EFTUD2: variants seen among roughly 807,000 people sequenced by gnomAD.
EFTUD2 encodes 116 kDa U5 small nuclear ribonucleoprotein component.
A neutral mutation model predicts 114.3 loss-of-function variants in EFTUD2; 9 were observed. The ratio of observed to expected loss-of-function variants is 0.08; its 90% CI spans 0.05 to 0.14. The LOEUF (loss-of-function observed/expected upper bound fraction) is 0.14. EFTUD2 is among the 10% of genes least tolerant of loss of function. EFTUD2 has a pLI of 1.00. For missense variants in EFTUD2, 765 were observed against 1,241.2 expected (o/e 0.62, Z 5.76); for synonymous variants, 449 against 462.3 (o/e 0.97, Z 0.37).
At chr17:44,876,745 T>C (rs889402878) in intron 9 of EFTUD2, among the ~76,000 whole-genome samples, 4 of 145,822 alleles carry the variant, frequency 2.7e-5, no homozygotes, top group Admixed American at 2.1e-4. Flanking sequence ...CCCAGCTACT[T>C]GGGAGGCTGA....
chr17:44,896,273 C>T (rs2051383140), intron 1 of EFTUD2, among the ~76,000 whole-genome samples: 1 of 152,230 alleles, frequency 6.6e-6, no homozygotes, highest in South Asian at 2.1e-4. Flanking sequence ...CTCCTTCAAG[C>T]TTTCCTAGCT....
In EFTUD2 at chr17:44,854,480, G is replaced by A; in HGVS notation, c.2259+76C>T. 6.3e-7 allele frequency: 1 copy of A among 1,581,042 alleles called. No individual in the cohort carries two copies. The highest frequency in any genetic ancestry group is 2.2e-5 in the East Asian group (1 of 44,478). On this transcript the variant is annotated intron_variant, in intron 22 of 27. Transcript: ENST00000426333. The surrounding 1 kb of genome is among the most constrained non-coding windows in gnomAD (Gnocchi z 4.3). ...CACCAGAGGACACAAGATACTTTTG[G>A]GAAAAGAACACTTTGTAGTTTCTTC...
intron 1 of EFTUD2, among the ~76,000 whole-genome samples, chr17:44,896,750 A>C (rs2051393304): frequency 6.6e-6 from 1 of 152,276 alleles, no homozygotes; most frequent in Non-Finnish European, 1.5e-5. Flanking sequence ...AGGGCTCTGG[A>C]GTTGGAAGAC....
At chr17:44,868,173 TAAAA>T in intron 12 of EFTUD2, 110 bp downstream of exon 12, 52 of 813,226 alleles carry the variant, frequency 6.4e-5, no homozygotes, top group Middle Eastern at 3.6e-4. Flanking sequence ...TAGTTTACAT[TAAAA>T]AAAAAAAAAA....
intron 1 of EFTUD2, 60 bp from the exon 2 acceptor site, chr17:44,894,585 G>T: frequency 7.9e-7 from 1 of 1,264,398 alleles, no homozygotes; most frequent in Non-Finnish European, 1.2e-6. Flanking sequence ...TTCATGTGGT[G>T]GCTCCACCTG....
intron 12 of EFTUD2, 128 bp from the exon 13 acceptor site, chr17:44,868,025 TC>T: frequency 1.0e-6 from 1 of 989,978 alleles, no homozygotes; most frequent in Non-Finnish European, 1.5e-6. Flanking sequence ...CTGTAAAGTT[TC>T]CAGAGACAGA....
Position 44,854,727 on chromosome 17 carries a change from T to C in EFTUD2, c.2133-45A>G, listed in dbSNP as rs201915172. On this transcript the variant is annotated intron_variant, in intron 21 of 27. Transcript: ENST00000426333. This position sits in a 1 kb window ranked among gnomAD's most constrained non-coding sequence, Gnocchi z 4.3. Reference sequence around the variant, plus strand: ...ATGGAGCTGTCAGCCAGCTCTGTGATTGCTGGTCCTGGAGCCACAGACCCT... The same window carrying C: ...ATGGAGCTGTCAGCCAGCTCTGTGACTGCTGGTCCTGGAGCCACAGACCCT... 105 of 1,598,912 alleles carry C rather than the reference T, an allele frequency of 6.6e-5. No individual in the cohort carries two copies. The highest frequency in any genetic ancestry group is 1.1e-4 in the African/African-American group (8 of 74,692).
At chr17:44,861,157 A>G (rs2050652016) in intron 16 of EFTUD2, among the ~76,000 whole-genome samples, 1 of 152,144 alleles carries the variant, frequency 6.6e-6, no homozygotes, top group Non-Finnish European at 1.5e-5. Context: ...AGCATCAAAG[A>G]AGGCCGGGTG....
rs141238852 is a variant in EFTUD2, at chr17:44,879,411, C to T, written c.702+145G>A. On this transcript the variant is annotated intron_variant, in intron 9 of 27. Transcript: ENST00000426333. Reference sequence around the variant, plus strand: ...AGAATTAATTTTGAAACATTTGCTGCTTTAATTTTAGAGCAAATTTGAGCC... The same window carrying T: ...AGAATTAATTTTGAAACATTTGCTGTTTTAATTTTAGAGCAAATTTGAGCC... The T allele has an allele frequency of 1.1e-4, 84 of 772,770 alleles. No individual in the cohort carries two copies. The East Asian group carries it at 1.4e-3, about 13-fold the overall frequency. 47.9% of individuals were successfully genotyped at this position (772,770 alleles called of 1,614,324 possible).
At position 44,894,495 on chromosome 17, in the gene EFTUD2, A is replaced by C. The variant is rs770008056; in HGVS notation, c.27T>G (p.Phe9Leu). 1 of 1,614,122 alleles carries C rather than the reference A, an allele frequency of 6.2e-7. No individual in the cohort carries two copies. The highest frequency in any genetic ancestry group is 8.5e-7 in the Non-Finnish European group (1 of 1,179,950). Residue 9 changes from phenylalanine to leucine, a missense_variant, in exon 2 of 28, where the codon TTT becomes TTG. Phe to Leu is a conservative substitution (Grantham distance 22). This residue lies in a region of EFTUD2 where 121 missense variants were observed against 133.7 expected (regional missense o/e 0.90). Transcript: ENST00000426333. ...CAAGCTCTGGTCCAATATAATTCCC[A>C]AACTCATCATATAAGTCGGTATCCA... MDTDLYDE[F>L]GNYIGPELDS...
chr17:44,878,675 GTC>G (rs1191322075), intron 9 of EFTUD2, among the ~76,000 whole-genome samples: 1 of 149,366 alleles, frequency 6.7e-6, no homozygotes, highest in Non-Finnish European at 1.5e-5. Flanking sequence ...GTACACACCT[GTC>G]TCTCTGTGTG....
intron 25 of EFTUD2, 38 bp from the exon 26 acceptor site, chr17:44,852,600 C>G: frequency 1.2e-6 from 2 of 1,608,968 alleles, no homozygotes; most frequent in Non-Finnish European, 1.7e-6. Context: ...TCTAGTCAAA[C>G]ATAGGCCAAA....
chr17:44,875,795 T>C (rs1294519918), intron 10 of EFTUD2, 139 bp downstream of exon 10: 1 of 942,242 alleles, frequency 1.1e-6, no homozygotes, highest in African/African-American at 1.6e-5. Flanking sequence ...CCCTGCAGAG[T>C]CCCAGGATGT....
At position 44,886,568 on chromosome 17, in the gene EFTUD2, A is replaced by G. The variant is rs2051176968; in HGVS notation, c.271+17T>C. The G allele has an allele frequency of 2.5e-6, 4 of 1,613,890 alleles. No individual in the cohort carries two copies. The highest frequency in any genetic ancestry group is 2.5e-6 in the Non-Finnish European group (3 of 1,179,922). On this transcript the variant is annotated intron_variant, in intron 3 of 27. Coordinates refer to ENST00000426333, the MANE Select transcript of EFTUD2 (RefSeq NM_004247.4). ...GTTTCAATTTCACTCCGCACAGCCC[A>G]TGTCCTCCTGATGTACCTGTGAGAG...
intron 8 of EFTUD2, among the ~76,000 whole-genome samples, chr17:44,880,145 C>T (rs1486145916): frequency 5.3e-5 from 8 of 152,066 alleles, no homozygotes; most frequent in Non-Finnish European, 1.0e-4. Context: ...TGGTCCTTTC[C>T]ATAGGAGGAA....
intron 9 of EFTUD2, among the ~76,000 whole-genome samples, chr17:44,876,855 CAAAAA>C (rs58892812): frequency 2.1e-5 from 1 of 48,232 alleles, no homozygotes; most frequent in African/African-American, 9.7e-5. Context: ...GACTCCGTCT[CAAAAA>C]AAAAAAAAAA....
intron 14 of EFTUD2, 169 bp from the exon 15 acceptor site, chr17:44,863,951 G>C (rs948877695): frequency 2.3e-6 from 2 of 866,990 alleles, no homozygotes; most frequent in African/African-American, 1.7e-5. Flanking sequence ...GGAATGTGCT[G>C]CTAGAAGATT....
chr17:44,876,231 G>A, intron 9 of EFTUD2, 131 bp from the exon 10 acceptor site: 12 of 1,080,274 alleles, frequency 1.1e-5, no homozygotes, highest in Non-Finnish European at 1.5e-5. Flanking sequence ...AATATTACTG[G>A]GTGGAAGCAG....
rs780448978 is a variant in EFTUD2 at position 44,857,119 on chromosome 17, C to T, written c.2001G>A (p.Val667=). ...CAAAGCACTTGAGGGAGGATGTTTC[C>T]ACCACCGTCTCACAAAACGTGACAA... is the stretch of plus-strand genomic sequence containing the variant. ...DPVVTFCETV[V]ETSSLKCFAE... is the part of the protein sequence containing the mutation. Residue 667 remains valine, a synonymous_variant, in exon 20 of 28, where the codon GTG becomes GTA. Transcript: ENST00000426333. 5.0e-6 allele frequency: 8 copies of T among 1,613,950 alleles called. No individual in the cohort carries two copies. The highest frequency in any genetic ancestry group is 3.3e-5 in the Admixed American group (2 of 60,014).
Sources: gnomAD v4.1 joint callset for allele counts (sites outside exome capture counted in the v4.1 genomes callset) on GRCh38, gnomAD v4.1.1 for gene constraint, gnomAD v4.1.1 regional missense constraint, Gnocchi (gnomAD v3.1) non-coding constraint, MANE v1.5 for transcripts, NCBI Gene and HGNC (gene_info 2026-07-23, HGNC 2026-07-21) for gene names.